Variants in FBXO16 observed in about 807,000 individuals in gnomAD.
FBXO16 encodes F-box only protein 16.
In FBXO16, 31 loss-of-function variants were observed where a neutral mutation model predicts 41.0. The observed-to-expected ratio is 0.76, with a 90% CI of 0.57 to 1.02. FBXO16 has a LOEUF of 1.02. Among genes scored for constraint, FBXO16 ranks in the 50% least tolerant of loss-of-function variants. The pLI is 0.00. For synonymous variants in FBXO16, 133 were observed against 117.8 expected (o/e 1.13, Z -0.84); for missense variants, 361 against 346.2 (o/e 1.04, Z -0.34).
In FBXO16 at chr8:28,442,238, G is replaced by A. The variant is rs1167935212; in HGVS notation, c.843+4933C>T. Among the ~76,000 whole-genome samples, 7 of 151,518 alleles carry A rather than the reference G, an allele frequency of 4.6e-5. No individual in the cohort carries two copies. The East Asian group carries it at 7.8e-4, about 17-fold the overall frequency. On this transcript the variant is annotated intron_variant, in intron 7 of 8. Transcript: ENST00000380254. ...CAGGCGTGAGCCACTGTGCCCGGCC[G>A]GAATTTGTATTTTTAATTGCTTTGT...
At chr8:28,470,000 C>T (rs565781668) in intron 3 of FBXO16, among the ~76,000 whole-genome samples, 1 of 151,592 alleles carries the variant, frequency 6.6e-6, no homozygotes, top group Admixed American at 6.6e-5. Flanking sequence ...GTCAGGAGAT[C>T]GAGACCACAG....
In FBXO16 at chr8:28,457,400, G is replaced by A. The variant is rs1463141317; in HGVS notation, c.343-470C>T. Among the ~76,000 whole-genome samples, 7 of 151,942 alleles carry A rather than the reference G, an allele frequency of 4.6e-5. No individual in the cohort carries two copies. In the South Asian group the frequency reaches 8.3e-4, roughly 18 times the overall value. On this transcript the variant is annotated intron_variant, in intron 4 of 8. Coordinates refer to ENST00000380254, the MANE Select transcript of FBXO16 (RefSeq NM_172366.4). ...CCCTTGTGTATTTGTCCATTTTCAC[G>A]TTGCTGATAAAGACATACCTGAGAC...
chr8:28,434,265 A>G (rs1269388994), intron 7 of FBXO16, among the ~76,000 whole-genome samples: 1 of 152,064 alleles, frequency 6.6e-6, no homozygotes, highest in Non-Finnish European at 1.5e-5. Flanking sequence ...CTGGCCCCTG[A>G]TTGATTTTTT....
intron 1 of FBXO16, among the ~76,000 whole-genome samples, chr8:28,488,448 AC>A (rs1183252756): frequency 6.7e-6 from 1 of 149,740 alleles, no homozygotes; most frequent in Non-Finnish European, 1.5e-5. Flanking sequence ...GGTGTGCACC[AC>A]CACACCTGGC....
At chr8:28,464,471 T>G (rs1392631159) in intron 3 of FBXO16, among the ~76,000 whole-genome samples, 1 of 152,132 alleles carries the variant, frequency 6.6e-6, no homozygotes, top group African/African-American at 2.4e-5. Context: ...GATGAGCACC[T>G]TGAGACTGCC....
chr8:28,477,106 GTT>G (rs77610889), intron 2 of FBXO16, among the ~76,000 whole-genome samples: 24 of 149,430 alleles, frequency 1.6e-4, no homozygotes, highest in East Asian at 3.9e-4. Context: ...TGATGACGCA[GTT>G]TTTTTTTTTA....
intron 2 of FBXO16, among the ~76,000 whole-genome samples, chr8:28,480,527 G>C (rs1803494207): frequency 1.3e-5 from 2 of 150,922 alleles, no homozygotes; most frequent in Admixed American, 1.3e-4. Flanking sequence ...TCCTGAGACA[G>C]AGTCTCACTC....
intron 7 of FBXO16, among the ~76,000 whole-genome samples, chr8:28,437,278 T>C (rs879675475): frequency 6.6e-6 from 1 of 152,146 alleles, no homozygotes; most frequent in Non-Finnish European, 1.5e-5. Context: ...ATCATTTCCA[T>C]TGGAAATGCC....
At chr8:28,452,174 T>C in intron 6 of FBXO16, 70 bp downstream of exon 6, 1 of 1,420,128 alleles carries the variant, frequency 7.0e-7, no homozygotes, top group South Asian at 1.3e-5. Context: ...TTTCCATCTC[T>C]TCGTATACTG....
At chr8:28,457,208 A>AGG (rs1309807695) in intron 4 of FBXO16, among the ~76,000 whole-genome samples, 1 of 152,214 alleles carries the variant, frequency 6.6e-6, no homozygotes, top group Non-Finnish European at 1.5e-5. Context: ...ATAGCAACCT[A>AGG]GGGAGGTAAG....
Position 28,471,805 on chromosome 8 carries a change from CAAAAAAAAAAAAAA to C in FBXO16, c.135+1953_135+1966del, listed in dbSNP as rs557259701. On this transcript the variant is annotated intron_variant, in intron 3 of 8. Coordinates refer to ENST00000380254, the MANE Select transcript of FBXO16 (RefSeq NM_172366.4). The stretch of plus-strand genomic sequence containing the variant: ...CTTGAAGAAAGAAAACAGAGAATCT[CAAAAAAAAAAAAAA>C]AAAAAAAAAAAAGCCCAGAGATGGA... 2.5e-4 allele frequency among the ~76,000 whole-genome samples: 6 copies of C among 23,750 alleles called. No individual in the cohort carries two copies. In the South Asian group the frequency reaches 0.018, roughly 70 times the overall value. 15.6% of individuals were successfully genotyped at this position (23,750 alleles called of 152,430 possible).
At chr8:28,482,724 C>A (rs1338680790) in intron 2 of FBXO16, among the ~76,000 whole-genome samples, 1 of 148,678 alleles carries the variant, frequency 6.7e-6, no homozygotes, top group Non-Finnish European at 1.5e-5. Flanking sequence ...GTACACACCA[C>A]CACGCCCAGC....
chr8:28,456,819 A>G lies in FBXO16; in HGVS notation c.454T>C (p.Trp152Arg). ...FSPTPFEQGI[W>R]KKHYIQMVKE... ...ACCATTTGAATATAGTGCTTCTTCCAGATCCCCTGCTCAAAGGGAGTTGGA... is the reference window on the plus strand; with the variant it reads ...ACCATTTGAATATAGTGCTTCTTCCGGATCCCCTGCTCAAAGGGAGTTGGA... Residue 152 changes from tryptophan to arginine, a missense_variant, in exon 5 of 9, where the codon TGG (tryptophan) becomes CGG (arginine). Trp to Arg is a moderately radical substitution (Grantham distance 101). Transcript: ENST00000380254. 2.5e-6 allele frequency: 4 copies of G among 1,614,186 alleles called. No homozygotes were observed. Among genetic ancestry groups the G allele is most frequent in the Non-Finnish European group, 3.4e-6 (4 of 1,180,030 alleles).
At chr8:28,477,371 G>T (rs1477952417) in intron 2 of FBXO16, among the ~76,000 whole-genome samples, 1 of 152,190 alleles carries the variant, frequency 6.6e-6, no homozygotes, top group African/African-American at 2.4e-5. Context: ...TTGGCCAGCT[G>T]TCTCCTCGGG....
chr8:28,453,786 G>A (rs917126399), intron 5 of FBXO16, among the ~76,000 whole-genome samples: 8 of 151,892 alleles, frequency 5.3e-5, no homozygotes, highest in Non-Finnish European at 1.2e-4. Flanking sequence ...ATTTGTCTAC[G>A]TCCTGGGCTA....
intron 7 of FBXO16, among the ~76,000 whole-genome samples, chr8:28,445,736 T>C (rs1308279632): frequency 6.6e-6 from 1 of 152,060 alleles, no homozygotes; most frequent in Non-Finnish European, 1.5e-5. Context: ...AAGAAGCTCA[T>C]CTCTCTCTCT....
At chr8:28,441,650 C>T (rs1025902734) in intron 7 of FBXO16, among the ~76,000 whole-genome samples, 2 of 150,124 alleles carry the variant, frequency 1.3e-5, no homozygotes, top group Admixed American at 1.3e-4. Context: ...GCAGGAGAAT[C>T]GCTTGAACCT....
chr8:28,448,081 C>T (rs535177154), intron 6 of FBXO16, among the ~76,000 whole-genome samples: 17 of 152,198 alleles, frequency 1.1e-4, no homozygotes, highest in Admixed American at 3.3e-4. Context: ...GACTCATGCC[C>T]GTAACCCCAG....
chr8:28,484,867 T>C (rs1338910268), intron 1 of FBXO16, among the ~76,000 whole-genome samples: 3 of 152,246 alleles, frequency 2.0e-5, no homozygotes, highest in African/African-American at 7.2e-5. Flanking sequence ...GTGCTGGGAT[T>C]ACAGGCGTGA....
Sources: gnomAD v4.1 joint callset for allele counts (sites outside exome capture counted in the v4.1 genomes callset) on GRCh38, gnomAD v4.1.1 for gene constraint, MANE v1.5 for transcripts, NCBI Gene and HGNC (gene_info 2026-07-23, HGNC 2026-07-21) for gene names.